IL23R: variants seen among roughly 807,000 people sequenced by gnomAD.
The protein encoded by IL23R is interleukin 23 receptor.
Under a neutral mutation model 56.9 loss-of-function variants are expected in IL23R, and 34 were observed. The observed-to-expected ratio is 0.60, with a 90% confidence interval of 0.45 to 0.80. The LOEUF is 0.80. IL23R is among the 30% of genes least tolerant of loss of function. The pLI is 0.00. For synonymous variants in IL23R, 230 were observed against 249.2 expected, an observed-to-expected ratio of 0.92 and a Z score of 0.73; for missense variants, 635 against 730.0, an observed-to-expected ratio of 0.87 and a Z score of 1.50.
chr1:67,240,270 A>T lies in IL23R; in HGVS notation c.1137A>T (p.Ser379=), dbSNP rs1232220633. The T allele has an allele frequency of 1.2e-6, 2 of 1,609,634 alleles. No individual in the cohort carries two copies. Among genetic ancestry groups the T allele is most frequent in the Non-Finnish European group, 1.7e-6 (2 of 1,176,132 alleles). ...ILSLIGIFNR[S]FRTGIKRRIL... Reference sequence around the variant, plus strand: ...CTTTGATTGGGATATTTAACAGATCATTCCGAACTGGGTAGGTTTTTGCAG... The same window carrying T: ...CTTTGATTGGGATATTTAACAGATCTTTCCGAACTGGGTAGGTTTTTGCAG... Residue 379 remains serine (S), a synonymous_variant, in exon 9 of 11, where the codon TCA becomes TCT. Transcript: ENST00000347310.
chr1:67,186,008 A>G (rs185909103), intron 4 of IL23R, among the ~76,000 whole-genome samples: 1 of 152,372 alleles, frequency 6.6e-6, no homozygotes, highest in Admixed American at 6.5e-5. Flanking sequence ...CACTTGACTA[A>G]GAAGTAAAGG....
At chr1:67,197,102 G>T (rs983287304) in intron 4 of IL23R, among the ~76,000 whole-genome samples, 1 of 152,334 alleles carries the variant, frequency 6.6e-6, no homozygotes, top group Admixed American at 6.5e-5. Flanking sequence ...GACCTTCAAT[G>T]TGAGTGAACT....
intron 7 of IL23R, 88 bp downstream of exon 7, chr1:67,219,818 C>G (rs1003808915): frequency 6.1e-5 from 80 of 1,315,408 alleles, no homozygotes; most frequent in Non-Finnish European, 7.3e-5. Flanking sequence ...ATAATTCCAG[C>G]ACTTTGAGAG....
At chr1:67,244,234 G>A (rs181683295) in intron 9 of IL23R, among the ~76,000 whole-genome samples, 1 of 152,206 alleles carries the variant, frequency 6.6e-6, no homozygotes, top group African/African-American at 2.4e-5. Flanking sequence ...TGGGTAGATT[G>A]CAAAAATTTT....
chr1:67,236,879 A>G lies in IL23R; in HGVS notation c.1045+77A>G. The G allele has an allele frequency of 3.2e-6, 3 of 924,402 alleles. No homozygotes were observed. The South Asian group carries it at 4.0e-5, about 12-fold the overall frequency. The allele number at this position is 924,402 out of a possible 1,614,324, so 57.3% of individuals were successfully genotyped here. On this transcript the variant is annotated intron_variant, in intron 8 of 10. Transcript: ENST00000347310. ...TTTAACCCATCATACTGAAAAAATC[A>G]CATCAGGTGTTAAGTTTCTGGACAA...
At chr1:67,249,163 A>G (rs888620678) in intron 9 of IL23R, among the ~76,000 whole-genome samples, 4 of 152,204 alleles carry the variant, frequency 2.6e-5, no homozygotes, top group Non-Finnish European at 5.9e-5. Flanking sequence ...TAGCATGAAA[A>G]TCTGGCATAG....
rs1252714660 is a variant in IL23R at position 67,258,811 on chromosome 1, C to A, written c.1573C>A (p.Gln525Lys). ...AGACTCAGGAAATAATCCCAGGTTACAAAAGCATCCTAATTTTGCTTTTTC... is the reference window on the plus strand; with the variant it reads ...AGACTCAGGAAATAATCCCAGGTTAAAAAAGCATCCTAATTTTGCTTTTTC... ...SLDSGNNPRL[Q>K]KHPNFAFSVS... is the part of the protein sequence containing the mutation. The change falls in exon 11 of 11, where the codon CAA (glutamine) becomes AAA (lysine). Residue 525 changes from glutamine to lysine, a missense_variant. Physicochemically the swap from Gln to Lys is moderately conservative, Grantham distance 53. Transcript: ENST00000347310. 7 of 1,612,010 alleles carry A rather than the reference C, an allele frequency of 4.3e-6. No individual in the cohort carries two copies. Among genetic ancestry groups the A allele is most frequent in the Non-Finnish European group, 5.9e-6 (7 of 1,178,398 alleles).
intron 9 of IL23R, among the ~76,000 whole-genome samples, chr1:67,247,571 T>G (rs1010254493): frequency 2.0e-5 from 3 of 152,208 alleles, no homozygotes; most frequent in Non-Finnish European, 4.4e-5. Flanking sequence ...CCCAAAGTGC[T>G]GGGATTACAG....
chr1:67,187,309 C>T (rs550977754), intron 4 of IL23R, among the ~76,000 whole-genome samples: 1 of 152,250 alleles, frequency 6.6e-6, no homozygotes, highest in East Asian at 1.9e-4. Context: ...ACTTACCTGC[C>T]TTCTGAGGTT....
chr1:67,254,490 T>C (rs1360308655), intron 9 of IL23R, among the ~76,000 whole-genome samples: 1 of 152,046 alleles, frequency 6.6e-6, no homozygotes, highest in African/African-American at 2.4e-5. Context: ...AATTTACTAA[T>C]TTGGTCTAAT....
intron 1 of IL23R, among the ~76,000 whole-genome samples, chr1:67,156,343 C>G (rs545826398): frequency 6.6e-6 from 1 of 152,312 alleles, no homozygotes; most frequent in East Asian, 1.9e-4. Context: ...TTCCTTTTGT[C>G]AGGATCCGCC....
At chr1:67,184,953 C>A (rs1647246281) in intron 4 of IL23R, among the ~76,000 whole-genome samples, 3 of 152,122 alleles carry the variant, frequency 2.0e-5, no homozygotes, top group African/African-American at 7.2e-5. Context: ...TGAAAGAGAG[C>A]TTGTTTGCCC....
chr1:67,222,102 C>CTTTTTTTTTTTTTTTTTTTTTT (rs72241835), intron 7 of IL23R, among the ~76,000 whole-genome samples: 69 of 58,898 alleles, frequency 1.2e-3, no homozygotes, highest in Admixed American at 2.8e-3. Context: ...TTCTTTCTTT[C>CTTTTTTTTTTTTTTTTTTTTTT]TTTTTTTTTT....
chr1:67,209,987 A>C (rs1649344495), intron 6 of IL23R, among the ~76,000 whole-genome samples: 1 of 152,218 alleles, frequency 6.6e-6, no homozygotes. Flanking sequence ...GAAATTTGAC[A>C]GGCATCCAGG....
chr1:67,245,302 C>A (rs1170250636), intron 9 of IL23R, among the ~76,000 whole-genome samples: 1 of 152,158 alleles, frequency 6.6e-6, no homozygotes, highest in East Asian at 1.9e-4. Context: ...CCCTTTATTT[C>A]TTTCTCTTGC....
At chr1:67,162,223 T>C (rs942447291), upstream of IL23R, among the ~76,000 whole-genome samples, 1 of 151,828 alleles carries the variant, frequency 6.6e-6, no homozygotes, top group African/African-American at 2.4e-5. Flanking sequence ...CCCAGCACTT[T>C]GGGAGGCCGA....
At chr1:67,161,915 C>A (rs1024069831), upstream of IL23R, among the ~76,000 whole-genome samples, 3 of 152,102 alleles carry the variant, frequency 2.0e-5, no homozygotes, top group Non-Finnish European at 2.9e-5. Flanking sequence ...CGTGAGCCAC[C>A]ATTCCAGGCC....
intron 9 of IL23R, among the ~76,000 whole-genome samples, chr1:67,246,378 T>C (rs1460595182): frequency 6.6e-6 from 1 of 152,196 alleles, no homozygotes; most frequent in Non-Finnish European, 1.5e-5. Flanking sequence ...TGCTCTTGCT[T>C]CTCTAATTCT....
intron 7 of IL23R, among the ~76,000 whole-genome samples, chr1:67,222,371 C>A (rs1263572762): frequency 6.6e-6 from 1 of 152,084 alleles, no homozygotes; most frequent in Non-Finnish European, 1.5e-5. Context: ...CCCGCTTTGG[C>A]CTCCCAAAGT....
Sources: allele counts gnomAD v4.1 joint callset (sites outside exome capture counted in the v4.1 genomes callset), GRCh38; gene constraint gnomAD v4.1.1; transcripts MANE v1.5; gene names NCBI Gene and HGNC (gene_info 2026-07-23, HGNC 2026-07-21).